Variants in RAB28 observed in about 807,000 individuals in gnomAD.
RAB28 encodes RAB28, member RAS oncogene family.
Under a neutral mutation model 31.7 loss-of-function variants are expected in RAB28, and 24 were observed. The ratio of observed to expected loss-of-function variants is 0.76; its 90% CI spans 0.55 to 1.06. The LOEUF is 1.06. Ranked by LOEUF, RAB28 falls within the 50% of genes least tolerant of loss-of-function variation. The pLI, the probability that RAB28 is intolerant of heterozygous loss-of-function variation, is 0.00. For missense variants in RAB28, 254 were observed against 258.5 expected (o/e 0.98, Z 0.12); for synonymous variants, 100 against 90.4 (o/e 1.11, Z -0.60).
intron 6 of RAB28, chr4:13,369,837 C>G (rs2108872031): frequency 6.4e-7 from 1 of 1,571,796 alleles, no homozygotes; most frequent in East Asian, 2.3e-5. Flanking sequence ...TCCCTTCCCA[C>G]CTCCCCAAAC....
intron 2 of RAB28, among the ~76,000 whole-genome samples, chr4:13,476,909 A>T (rs536309084): frequency 6.6e-6 from 1 of 151,690 alleles, no homozygotes; most frequent in Admixed American, 6.6e-5. Flanking sequence ...AAACACAGGT[A>T]AGTTGCTTTT....
At chr4:13,470,402 T>C (rs1716067237) in intron 3 of RAB28, among the ~76,000 whole-genome samples, 1 of 152,088 alleles carries the variant, frequency 6.6e-6, no homozygotes, top group Non-Finnish European at 1.5e-5. Context: ...GAGTCCAGTT[T>C]TGAGATGCAC....
rs192345036 is a variant in RAB28, at chr4:13,440,976, T to C, written c.391+19723A>G. Among the ~76,000 whole-genome samples, 1,110 of 152,064 alleles carry C rather than the reference T, an allele frequency of 7.3e-3. 11 individuals are homozygous for C. Among genetic ancestry groups the C allele is most frequent in the Non-Finnish European group, 0.011 (774 of 67,940 alleles). On this transcript the variant is annotated intron_variant, in intron 4 of 6. Coordinates refer to ENST00000330852, the MANE Select transcript of RAB28 (RefSeq NM_001017979.3). Reference sequence around the variant, plus strand: ...GGAATAAGGATTAAGATTAGGAATGTGGAACTCAAATGGGAGCTTTGCAAA... The same window carrying C: ...GGAATAAGGATTAAGATTAGGAATGCGGAACTCAAATGGGAGCTTTGCAAA...
At chr4:13,411,796 A>G (rs1314534159) in intron 4 of RAB28, among the ~76,000 whole-genome samples, 1 of 152,008 alleles carries the variant, frequency 6.6e-6, no homozygotes, top group Non-Finnish European at 1.5e-5. Context: ...TACAAAAACA[A>G]GGGAGGAGAA....
At chr4:13,473,620 C>G (rs768123255) in intron 3 of RAB28, among the ~76,000 whole-genome samples, 21 of 151,730 alleles carry the variant, frequency 1.4e-4, no homozygotes, top group Non-Finnish European at 2.4e-4. Flanking sequence ...ATATTACTAC[C>G]CTGCATATTT....
intron 4 of RAB28, among the ~76,000 whole-genome samples, chr4:13,457,147 A>C (rs530602238): frequency 1.6e-4 from 24 of 152,208 alleles, no homozygotes; most frequent in Non-Finnish European, 2.9e-4. Context: ...ACATTTAGGA[A>C]GAAGATCACT....
At chr4:13,402,314 T>C (rs1370278039) in intron 4 of RAB28, among the ~76,000 whole-genome samples, 1 of 152,240 alleles carries the variant, frequency 6.6e-6, no homozygotes, top group Non-Finnish European at 1.5e-5. Flanking sequence ...GTTACACCAG[T>C]TATTGATAAA....
chr4:13,446,313 G>C (rs543153675), intron 4 of RAB28, among the ~76,000 whole-genome samples: 1 of 152,316 alleles, frequency 6.6e-6, no homozygotes, highest in African/African-American at 2.4e-5. Context: ...CTCTGTGGGA[G>C]TGGGATCCAC....
At chr4:13,421,835 G>A (rs1713167854) in intron 4 of RAB28, among the ~76,000 whole-genome samples, 1 of 152,086 alleles carries the variant, frequency 6.6e-6, no homozygotes, top group Admixed American at 6.6e-5. Context: ...CAGGACACAG[G>A]CATGGGCAAG....
chr4:13,477,959 T>A (rs1716439941), intron 2 of RAB28, among the ~76,000 whole-genome samples: 1 of 151,464 alleles, frequency 6.6e-6, no homozygotes, highest in South Asian at 2.1e-4. Context: ...GCTTTTCAAC[T>A]AAAAAATGAG....
chr4:13,450,157 C>T (rs1714887380), intron 4 of RAB28, among the ~76,000 whole-genome samples: 1 of 151,628 alleles, frequency 6.6e-6, no homozygotes, highest in Non-Finnish European at 1.5e-5. Flanking sequence ...TAATTCAGTA[C>T]AGATTATGAT....
chr4:13,435,900 G>A (rs528811923), intron 4 of RAB28, among the ~76,000 whole-genome samples: 9 of 152,142 alleles, frequency 5.9e-5, no homozygotes, highest in South Asian at 2.1e-4. Flanking sequence ...ATAACAAAAT[G>A]TGGCAAGAAC....
intron 4 of RAB28, among the ~76,000 whole-genome samples, chr4:13,429,136 G>A (rs576883101): frequency 6.6e-6 from 1 of 152,000 alleles, no homozygotes; most frequent in African/African-American, 2.4e-5. Context: ...AGCAAAGGCA[G>A]GGGTTTCACC....
chr4:13,440,531 A>C (rs955059445), intron 4 of RAB28, among the ~76,000 whole-genome samples: 3 of 152,098 alleles, frequency 2.0e-5, no homozygotes, highest in Non-Finnish European at 4.4e-5. Context: ...TCCCTTTTTC[A>C]TACCAAAGGG....
chr4:13,376,934 A>G (rs187634911), intron 5 of RAB28, among the ~76,000 whole-genome samples: 110 of 152,250 alleles, frequency 7.2e-4, no homozygotes, highest in Middle Eastern at 3.4e-3. Flanking sequence ...CCTACTTACT[A>G]CTATAAAAAC....
chr4:13,442,199 G>T (rs1358156638), intron 4 of RAB28, among the ~76,000 whole-genome samples: 1 of 152,052 alleles, frequency 6.6e-6, no homozygotes, highest in African/African-American at 2.4e-5. Context: ...TGTCCACTGT[G>T]GATTAACTAT....
intron 4 of RAB28, among the ~76,000 whole-genome samples, chr4:13,453,553 C>G (rs776383308): frequency 9.9e-5 from 15 of 151,982 alleles, no homozygotes; most frequent in Non-Finnish European, 2.2e-4. Flanking sequence ...AATGAATTCT[C>G]TCAGTTCTTG....
In RAB28 at chr4:13,423,130, A is replaced by G. The variant is rs910844472; in HGVS notation, c.391+37569T>C. Among the ~76,000 whole-genome samples the G allele has an allele frequency of 2.0e-5, 3 of 152,204 alleles. No homozygotes were observed. The East Asian group carries it at 5.8e-4, about 29-fold the overall frequency. On this transcript the variant is annotated intron_variant, in intron 4 of 6. Coordinates refer to ENST00000330852, the MANE Select transcript of RAB28 (RefSeq NM_001017979.3). ...TGGATACATATATGAAAAAGCAAAC[A>G]AAGCAGCCTTTTAATTGTGGACTCT...
At position 13,426,511 on chromosome 4, in the gene RAB28, T is replaced by C. The variant is rs185846638; in HGVS notation, c.391+34188A>G. On this transcript the variant is annotated intron_variant, in intron 4 of 6. Transcript: ENST00000330852. Reference sequence around the variant, plus strand: ...ACAAAGTACTGATCCTTTACTTTGATTCATATTTAATATCCCACCTTCCAT... The same window carrying C: ...ACAAAGTACTGATCCTTTACTTTGACTCATATTTAATATCCCACCTTCCAT... 3.9e-5 allele frequency among the ~76,000 whole-genome samples: 6 copies of C among 152,302 alleles called. No individual in the cohort carries two copies. The East Asian group carries it at 9.7e-4, about 25-fold the overall frequency.
Sources: allele counts gnomAD v4.1 joint callset (sites outside exome capture counted in the v4.1 genomes callset), GRCh38; gene constraint gnomAD v4.1.1; transcripts MANE v1.5; gene names NCBI Gene and HGNC (gene_info 2026-07-23, HGNC 2026-07-21).